FGF14: variants seen among roughly 807,000 people sequenced by gnomAD.
The protein encoded by FGF14 is fibroblast growth factor 14, also known as fibroblast growth factor homologous factor 4.
A neutral mutation model predicts 25.5 loss-of-function variants in FGF14; 5 were observed. The observed-to-expected ratio is 0.20, with a 90% CI of 0.10 to 0.41. FGF14 has a LOEUF of 0.41. Ranked by LOEUF, FGF14 falls within the 10% of genes least tolerant of loss-of-function variation. The pLI is 1.00. For missense variants in FGF14, 222 were observed against 320.1 expected (o/e 0.69, Z 2.34); for synonymous variants, 138 against 118.3 (o/e 1.17, Z -1.08).
At chr13:102,070,362 T>C (rs936995302) in intron 1 of FGF14, among the ~76,000 whole-genome samples, 1 of 152,068 alleles carries the variant, frequency 6.6e-6, no homozygotes, top group Admixed American at 6.6e-5. Flanking sequence ...ATGACTAATA[T>C]CCAAAAGACA....
At chr13:102,359,469 C>T (rs2057507089) in intron 1 of FGF14, among the ~76,000 whole-genome samples, 1 of 151,792 alleles carries the variant, frequency 6.6e-6, no homozygotes, top group South Asian at 2.1e-4. Flanking sequence ...ATCAAAATAC[C>T]ACAGAAATCT....
chr13:101,776,142 C>T lies in FGF14; in HGVS notation c.409-49332G>A, dbSNP rs116001844. On this transcript the variant is annotated intron_variant, in intron 3 of 4. Coordinates refer to ENST00000376143, the MANE Select transcript of FGF14 (RefSeq NM_004115.4). ...TCCAGAAAAGACATCTGAGGCCTTC[C>T]ACACTTCACATTATTATCAGTGGGG... 2.0e-3 allele frequency among the ~76,000 whole-genome samples: 309 copies of T among 152,222 alleles called. 2 individuals are homozygous for T. The highest frequency in any genetic ancestry group is 7.1e-3 in the African/African-American group (295 of 41,550).
intron 1 of FGF14, among the ~76,000 whole-genome samples, chr13:102,331,384 C>G (rs1451722205): frequency 3.3e-5 from 5 of 152,154 alleles, no homozygotes; most frequent in Admixed American, 2.6e-4. Context: ...CTGTTCTACT[C>G]CATCACATGT....
intron 1 of FGF14, among the ~76,000 whole-genome samples, chr13:102,297,147 C>T (rs915100319): frequency 6.6e-6 from 1 of 152,090 alleles, no homozygotes. Flanking sequence ...TGGCATTTTA[C>T]CTCGGATTTT....
intron 1 of FGF14, among the ~76,000 whole-genome samples, chr13:102,274,789 T>G (rs2053426129): frequency 6.6e-6 from 1 of 152,004 alleles, no homozygotes; most frequent in African/African-American, 2.4e-5. Flanking sequence ...ATGTCTGACT[T>G]GGAGTATTCT....
intron 1 of FGF14, among the ~76,000 whole-genome samples, chr13:102,035,070 C>T (rs1002278769): frequency 3.3e-5 from 5 of 152,072 alleles, no homozygotes; most frequent in African/African-American, 1.2e-4. Flanking sequence ...ATTTTAAGAA[C>T]TTGAAATAAT....
At position 101,816,037 on chromosome 13, in the gene FGF14, G is replaced by A. The variant is rs538329125; in HGVS notation, c.408+52688C>T. Among the ~76,000 whole-genome samples the A allele has an allele frequency of 2.7e-3, 410 of 151,900 alleles. 1 individual carries two copies. Among genetic ancestry groups the A allele is most frequent in the African/African-American group, 9.3e-3 (383 of 41,360 alleles). ...CTGTATCCTAGCACTTTGGGAGGCC[G>A]AGACGGGCGGATCACGAGGTCAGGA... On this transcript the variant is annotated intron_variant, in intron 3 of 4. Coordinates refer to ENST00000376143, the MANE Select transcript of FGF14 (RefSeq NM_004115.4).
intron 3 of FGF14, among the ~76,000 whole-genome samples, chr13:101,762,950 A>C (rs2038124638): frequency 6.6e-6 from 1 of 152,148 alleles, no homozygotes; most frequent in South Asian, 2.1e-4. Context: ...TCAGTGCTGC[A>C]CCAAACACAC....
chr13:102,292,486 G>C (rs771744012), intron 1 of FGF14: 5 of 152,052 alleles, frequency 3.3e-5, no homozygotes, highest in Non-Finnish European at 5.9e-5. Flanking sequence ...TATGTACATG[G>C]ACATCAGCTT....
chr13:101,858,277 G>C (rs797020004), intron 3 of FGF14, among the ~76,000 whole-genome samples: 4 of 149,760 alleles, frequency 2.7e-5, no homozygotes, highest in African/African-American at 9.8e-5. Context: ...ATGGTATATT[G>C]AGATTTCAGT....
At chr13:101,723,293 G>A (rs1282302328) in intron 4 of FGF14, among the ~76,000 whole-genome samples, 1 of 147,170 alleles carries the variant, frequency 6.8e-6, no homozygotes, top group Admixed American at 6.8e-5. Context: ...ACACACTATA[G>A]GAGAATGACA....
chr13:102,086,529 C>CAA lies in FGF14; in HGVS notation c.209-211235_209-211234dup, dbSNP rs113715783. Among the ~76,000 whole-genome samples, 13 of 150,270 alleles carry CAA rather than the reference C, an allele frequency of 8.7e-5. No individual in the cohort carries two copies. In the South Asian group the frequency reaches 2.5e-3, roughly 29 times the overall value. On this transcript the variant is annotated intron_variant, in intron 1 of 4. Transcript: ENST00000376131. ...TGGGCGACAGAGAGAGACTCCGTCT[C>CAA]AAAAAAAAAGAAGTGCTTCCGACCT...
chr13:102,136,570 A>G (rs1405474276), intron 1 of FGF14, among the ~76,000 whole-genome samples: 1 of 152,028 alleles, frequency 6.6e-6, no homozygotes, highest in Non-Finnish European at 1.5e-5. Context: ...AGCAACCACA[A>G]TGATCCTCTT....
intron 1 of FGF14, among the ~76,000 whole-genome samples, chr13:102,212,542 T>C (rs908175176): frequency 1.3e-5 from 2 of 152,208 alleles, no homozygotes; most frequent in African/African-American, 4.8e-5. Context: ...TTTAAGCTTC[T>C]GAAGGTGAGG....
intron 1 of FGF14, among the ~76,000 whole-genome samples, chr13:102,237,857 T>C (rs936879137): frequency 2.6e-5 from 4 of 152,218 alleles, no homozygotes; most frequent in African/African-American, 9.6e-5. Flanking sequence ...TGATTTGACT[T>C]ACAACTATAT....
chr13:102,187,134 A>G (rs1372266329), intron 1 of FGF14, among the ~76,000 whole-genome samples: 2 of 152,220 alleles, frequency 1.3e-5, no homozygotes, highest in African/African-American at 2.4e-5. Context: ...CATTAACTCA[A>G]GATAAATAAA....
At chr13:102,332,403 A>G (rs963340075) in intron 1 of FGF14, among the ~76,000 whole-genome samples, 3 of 152,184 alleles carry the variant, frequency 2.0e-5, no homozygotes, top group Non-Finnish European at 2.9e-5. Flanking sequence ...TTAAAAATAT[A>G]TCTTAAATCT....
At chr13:101,997,134 C>T (rs2039227980) in intron 1 of FGF14, among the ~76,000 whole-genome samples, 1 of 152,350 alleles carries the variant, frequency 6.6e-6, no homozygotes, top group African/African-American at 2.4e-5. Flanking sequence ...TGATACTATA[C>T]ACTACTCCAC....
chr13:101,845,909 T>C (rs1378859611), intron 3 of FGF14, among the ~76,000 whole-genome samples: 4 of 151,980 alleles, frequency 2.6e-5, no homozygotes, highest in African/African-American at 9.7e-5. Flanking sequence ...TGCATATAAC[T>C]ATAGTCATAT....
Sources: gnomAD v4.1 joint callset for allele counts (sites outside exome capture counted in the v4.1 genomes callset) on GRCh38, gnomAD v4.1.1 for gene constraint, MANE v1.5 for transcripts, NCBI Gene and HGNC (gene_info 2026-07-23, HGNC 2026-07-21) for gene names.